The following MCM3 variants were observed in gnomAD, a reference collection of about 807,000 sequenced individuals.
MCM3 encodes the protein minichromosome maintenance complex component 3, also known as DNA replication licensing factor MCM3.
Under a neutral mutation model 91.3 loss-of-function variants are expected in MCM3, and 59 were observed. The ratio of observed to expected loss-of-function variants is 0.65; its 90% confidence interval spans 0.52 to 0.80. The LOEUF (loss-of-function observed/expected upper bound fraction) is 0.80. MCM3 is among the 30% of genes least tolerant of loss of function. The probability of loss-of-function intolerance (pLI) is 0.00; values close to 1 mark genes in which losing one functional copy is unlikely to be tolerated. For synonymous variants in MCM3, 383 were observed against 379.6 expected, an observed-to-expected ratio of 1.01 and a Z score of -0.10; for missense variants, 919 against 1,035.4, an observed-to-expected ratio of 0.89 and a Z score of 1.54.
intron 13 of MCM3, 55 bp from the exon 14 acceptor site, chr6:52,268,023 G>A (rs2128275727): frequency 6.2e-7 from 1 of 1,612,676 alleles, no homozygotes; most frequent in Non-Finnish European, 8.5e-7. Flanking sequence ...CAGGGGAACT[G>A]CATCAAGAAC....
intron 8 of MCM3, among the ~76,000 whole-genome samples, 183 bp downstream of exon 8, chr6:52,276,884 T>G (rs1448324361): frequency 6.6e-6 from 1 of 152,204 alleles, no homozygotes; most frequent in African/African-American, 2.4e-5. Flanking sequence ...TCGAAAACAT[T>G]CCTGTAAATA....
chr6:52,277,121 G>T lies in MCM3; in HGVS notation c.1111C>A (p.Arg371=). 6.2e-7 allele frequency: 1 copy of T among 1,614,076 alleles called. No individual in the cohort carries two copies. The highest frequency in any genetic ancestry group is 8.5e-7 in the Non-Finnish European group (1 of 1,179,988). ...TAPRAIPTTG[R]GSSGVGLTAA... ...GTCAGACCCACTCCAGAGGAGCCCC[G>T]GCCAGTGGTGGGGATAGCTCGGGGT... The change falls in exon 8 of 17, where the codon CGG becomes AGG. Residue 371 remains arginine, a synonymous_variant. Transcript: ENST00000596288.
chr6:52,272,646 A>T (rs1765236356), intron 11 of MCM3, among the ~76,000 whole-genome samples, 195 bp from the exon 12 acceptor site: 1 of 152,210 alleles, frequency 6.6e-6, no homozygotes, highest in Admixed American at 6.5e-5. Context: ...TTTGTAAGTT[A>T]GGTAGTTTAG....
chr6:52,279,222 A>G (rs1765845825), intron 5 of MCM3, 139 bp downstream of exon 5: 3 of 710,504 alleles, frequency 4.2e-6, no homozygotes, highest in Admixed American at 4.8e-5. Flanking sequence ...GAGGTATTGA[A>G]GGTATCCTGT....
intron 13 of MCM3, among the ~76,000 whole-genome samples, chr6:52,268,800 A>C (rs903184466): frequency 6.6e-6 from 1 of 152,188 alleles, no homozygotes; most frequent in African/African-American, 2.4e-5. Context: ...AAGTAGGGGT[A>C]GACAGAGAAG....
At chr6:52,275,202 G>A (rs1276691969) in intron 9 of MCM3, among the ~76,000 whole-genome samples, 1 of 152,214 alleles carries the variant, frequency 6.6e-6, no homozygotes, top group Non-Finnish European at 1.5e-5. Context: ...GGGGGACCAT[G>A]CAACTGTATG....
chr6:52,271,275 A>T (rs1313436696), intron 12 of MCM3, among the ~76,000 whole-genome samples: 1 of 152,186 alleles, frequency 6.6e-6, no homozygotes, highest in African/African-American at 2.4e-5. Context: ...ATGTCTATGT[A>T]ACATAATAAG....
chr6:52,267,785 C>G, intron 14 of MCM3, 80 bp downstream of exon 14: 1 of 721,172 alleles, frequency 1.4e-6, no homozygotes, highest in Admixed American at 2.0e-5. Flanking sequence ...CTCGGCCTCC[C>G]AAATTGCTAA....
chr6:52,276,005 A>G, intron 9 of MCM3: 1 of 418,322 alleles, frequency 2.4e-6, no homozygotes, highest in South Asian at 3.4e-5. Flanking sequence ...CTTTTATTTA[A>G]TGGACGGTTA....
chr6:52,277,555 T>C lies in MCM3; in HGVS notation c.1013A>G (p.Asp338Gly), dbSNP rs1581734858. Residue 338 changes from aspartate to glycine, a missense_variant, in exon 7 of 17, where the codon GAC (aspartate) becomes GGC (glycine). Transcript: ENST00000596288. The stretch of plus-strand genomic sequence containing the variant: ...CGTACCTATTAGAAGAATATTGATG[T>C]CCCCACGGATGTGGCTGCCATTTTC... The part of the protein sequence containing the change: ...DLENGSHIRG[D>G]INILLIGDPS... 2 of 1,613,738 alleles carry C rather than the reference T, an allele frequency of 1.2e-6. No individual in the cohort carries two copies. Among genetic ancestry groups the C allele is most frequent in the East Asian group, 2.2e-5 (1 of 44,854 alleles).
chr6:52,273,155 A>G lies in MCM3; in HGVS notation c.1676+75T>C, dbSNP rs1765270692. 8 of 1,580,768 alleles carry G rather than the reference A, an allele frequency of 5.1e-6. No individual in the cohort carries two copies. In the South Asian group the frequency reaches 9.0e-5, roughly 18 times the overall value. ...GACCTGGGCATATAAGGCCTTAGCT[A>G]AGCTTAGATATACACATGCTCTAAT... On this transcript the variant is annotated intron_variant, in intron 11 of 16. Coordinates refer to ENST00000596288, the MANE Select transcript of MCM3 (RefSeq NM_002388.6).
intron 16 of MCM3, 93 bp downstream of exon 16, chr6:52,265,982 G>T: frequency 1.0e-6 from 1 of 1,001,592 alleles, no homozygotes. Flanking sequence ...TTGATGACCA[G>T]CAGTTTGTTT....
chr6:52,272,521 C>T, intron 11 of MCM3, 70 bp from the exon 12 acceptor site: 2 of 1,580,644 alleles, frequency 1.3e-6, no homozygotes, highest in Non-Finnish European at 1.7e-6. Context: ...GTGGCTTTGC[C>T]TCTCAGAAAA....
chr6:52,265,542 T>G (rs1250065697), intron 16 of MCM3, among the ~76,000 whole-genome samples: 1 of 152,224 alleles, frequency 6.6e-6, no homozygotes, highest in Non-Finnish European at 1.5e-5. Context: ...TGATTTTAAT[T>G]TTTTTTCTAA....
chr6:52,275,319 G>A (rs1246351323), intron 9 of MCM3, among the ~76,000 whole-genome samples: 3 of 152,158 alleles, frequency 2.0e-5, no homozygotes, highest in Non-Finnish European at 4.4e-5. Context: ...CTGGCTCTGC[G>A]ATTTTCAAGT....
intron 4 of MCM3, among the ~76,000 whole-genome samples, chr6:52,281,575 G>C (rs1179196723): frequency 6.6e-6 from 1 of 152,056 alleles, no homozygotes; most frequent in Admixed American, 6.6e-5. Context: ...AGGTACTCAG[G>C]AGGCTAAGGT....
chr6:52,269,149 C>G lies in MCM3; in HGVS notation c.1905G>C (p.Lys635Asn), dbSNP rs1289079564. ...CCTCTGCATCCTGCAGGTCCACAGT[C>G]TTGCTCATGCGGGCCTTCGCATGGG... is the stretch of plus-strand genomic sequence containing the variant. ...ATAHAKARMS[K>N]TVDLQDAEEA... The change falls in exon 13 of 17, where the codon AAG becomes AAC. Residue 635 changes from lysine (K) to asparagine (N), a missense_variant. Lys to Asn is a moderately conservative substitution (Grantham distance 94, BLOSUM62 0). Around this residue, in one of 3 missense-constraint regions of MCM3, gnomAD observed 285 missense variants for 311.4 expected, o/e 0.92. Transcript: ENST00000596288. 6.2e-7 allele frequency: 1 copy of G among 1,614,130 alleles called. No homozygotes were observed. The highest frequency in any genetic ancestry group is 8.5e-7 in the Non-Finnish European group (1 of 1,179,952).
At chr6:52,270,337 A>G (rs1372522351) in intron 12 of MCM3, among the ~76,000 whole-genome samples, 2 of 151,106 alleles carry the variant, frequency 1.3e-5, no homozygotes, top group African/African-American at 2.4e-5. Context: ...TCAAAAAAAA[A>G]AAAAAAAAGA....
intron 11 of MCM3, 106 bp downstream of exon 11, chr6:52,273,124 G>A (rs1765268575): frequency 7.5e-7 from 1 of 1,339,670 alleles, no homozygotes; most frequent in South Asian, 1.3e-5. Flanking sequence ...CTCCAGGCAT[G>A]GCTTTGACCT....
Sources: allele counts gnomAD v4.1 joint callset (sites outside exome capture counted in the v4.1 genomes callset), GRCh38; gene constraint gnomAD v4.1.1; regional missense constraint gnomAD v4.1.1; transcripts MANE v1.5; gene names NCBI Gene and HGNC (gene_info 2026-07-23, HGNC 2026-07-21).